Variants in CTNNA2 observed in about 807,000 individuals in gnomAD.
CTNNA2 encodes catenin alpha-2.
In CTNNA2, 42 loss-of-function variants were observed where a neutral mutation model predicts 101.0. That is an observed-to-expected ratio of 0.42 (90% CI 0.32 to 0.54). The LOEUF is 0.54. CTNNA2 is among the 20% of genes least tolerant of loss of function. The probability of loss-of-function intolerance (pLI) is 0.14; values close to 1 mark genes in which losing one functional copy is unlikely to be tolerated. For missense variants in CTNNA2, 871 were observed against 1,223.1 expected (o/e 0.71, Z 4.29); for synonymous variants, 450 against 456.4 (o/e 0.99, Z 0.18).
chr2:80,016,951 A>C (rs903516327), intron 7 of CTNNA2, among the ~76,000 whole-genome samples: 1 of 152,240 alleles, frequency 6.6e-6, no homozygotes, highest in African/African-American at 2.4e-5. Flanking sequence ...ACCTCAAACT[A>C]TCAAAGCCTC....
At chr2:79,403,646 A>C (rs1371932266) in intron 4 of CTNNA2, among the ~76,000 whole-genome samples, 4 of 152,042 alleles carry the variant, frequency 2.6e-5, no homozygotes, top group Non-Finnish European at 5.9e-5. Flanking sequence ...CATAGGAGGA[A>C]AAGTCTAACT....
intron 7 of CTNNA2, among the ~76,000 whole-genome samples, chr2:80,377,424 G>C (rs1676064604): frequency 6.6e-6 from 1 of 152,124 alleles, no homozygotes; most frequent in African/African-American, 2.4e-5. Context: ...CCATAATCTT[G>C]GGTTAGGCAT....
intron 3 of CTNNA2, among the ~76,000 whole-genome samples, chr2:79,759,518 T>G: frequency 6.6e-6 from 1 of 152,046 alleles, no homozygotes; most frequent in East Asian, 1.9e-4. Context: ...GGTTCAACTC[T>G]TCGTTAAACC....
rs200008352 is a variant in CTNNA2 at position 79,873,880 on chromosome 2, T to C, written c.586-196T>C. Among the ~76,000 whole-genome samples, 7 of 152,024 alleles carry C rather than the reference T, an allele frequency of 4.6e-5. No homozygotes were observed. The East Asian group carries it at 1.2e-3, about 25-fold the overall frequency. On this transcript the variant is annotated intron_variant, in intron 5 of 18. Coordinates refer to ENST00000402739, the MANE Select transcript of CTNNA2 (RefSeq NM_001282597.3). ...TAACACCACTGTACTCCAACCTAGG[T>C]CACTATAGAGACCTAGCTGTCTCTA...
rs757913631 is a variant in CTNNA2 at position 80,218,623 on chromosome 2, C to A, written c.1057-174588C>A. ...CCTCTATTAGGCTCAGTTCTCTTGA[C>A]TGTAAAATGAGAGTAGTCATATTGT... On this transcript the variant is annotated intron_variant, in intron 7 of 18. Transcript: ENST00000402739. 1.6e-4 allele frequency among the ~76,000 whole-genome samples: 24 copies of A among 152,300 alleles called. No individual in the cohort carries two copies. In the East Asian group the frequency reaches 3.9e-3, roughly 25 times the overall value.
At chr2:80,601,037 G>A (rs181819805) in intron 15 of CTNNA2, among the ~76,000 whole-genome samples, 102 of 152,228 alleles carry the variant, frequency 6.7e-4, no homozygotes, top group Admixed American at 1.7e-3. Flanking sequence ...GAACTTTGTA[G>A]CATTTGCTGA....
At chr2:79,973,308 T>C (rs1251179975) in intron 7 of CTNNA2, among the ~76,000 whole-genome samples, 1 of 152,144 alleles carries the variant, frequency 6.6e-6, no homozygotes, top group African/African-American at 2.4e-5. Context: ...GGCTGATGGA[T>C]GGCCTCTGGG....
intron 13 of CTNNA2, among the ~76,000 whole-genome samples, chr2:80,578,312 AT>A (rs1695239204): frequency 6.6e-6 from 1 of 152,202 alleles, no homozygotes; most frequent in African/African-American, 2.4e-5. Flanking sequence ...CAAAGAGCAC[AT>A]AGAACTTTCA....
At chr2:79,862,764 TAG>T (rs1481246727) in intron 4 of CTNNA2, among the ~76,000 whole-genome samples, 2 of 152,234 alleles carry the variant, frequency 1.3e-5, no homozygotes, top group African/African-American at 2.4e-5. Flanking sequence ...ATTAGGACAT[TAG>T]CATAGAGTGC....
At chr2:80,314,887 T>G (rs1377207034) in intron 7 of CTNNA2, among the ~76,000 whole-genome samples, 1 of 152,248 alleles carries the variant, frequency 6.6e-6, no homozygotes, top group Non-Finnish European at 1.5e-5. Flanking sequence ...CAGAAGAATT[T>G]GAGACATCTA....
At chr2:79,688,591 A>G (rs1166509470) in intron 2 of CTNNA2, among the ~76,000 whole-genome samples, 2 of 152,216 alleles carry the variant, frequency 1.3e-5, no homozygotes, top group Middle Eastern at 3.4e-3. Context: ...GTTCCAGATG[A>G]ATTATCTCAA....
intron 3 of CTNNA2, among the ~76,000 whole-genome samples, chr2:79,795,011 A>G (rs1188247253): frequency 6.6e-6 from 1 of 152,212 alleles, no homozygotes; most frequent in Admixed American, 6.5e-5. Context: ...TATTTTATGA[A>G]TCAGTCTAAC....
At chr2:79,628,204 C>T (rs1679444939) in intron 1 of CTNNA2, among the ~76,000 whole-genome samples, 1 of 152,094 alleles carries the variant, frequency 6.6e-6, no homozygotes, top group African/African-American at 2.4e-5. Context: ...GTAATCTCAG[C>T]ACTTTGGGAG....
At chr2:80,631,882 T>C (rs935801056) in intron 18 of CTNNA2, among the ~76,000 whole-genome samples, 11 of 152,066 alleles carry the variant, frequency 7.2e-5, no homozygotes, top group Non-Finnish European at 1.3e-4. Flanking sequence ...TAGTACTTTT[T>C]GTTGTTGTTG....
At chr2:79,328,581 G>A (rs1367383458) in intron 3 of CTNNA2, among the ~76,000 whole-genome samples, 2 of 152,104 alleles carry the variant, frequency 1.3e-5, no homozygotes, top group African/African-American at 4.8e-5. Context: ...TAGCTTTTAT[G>A]ATGTTGATCA....
chr2:80,062,185 G>A (rs1697642911), intron 7 of CTNNA2, among the ~76,000 whole-genome samples: 1 of 152,114 alleles, frequency 6.6e-6, no homozygotes, highest in African/African-American at 2.4e-5. Context: ...TTTAATTCCT[G>A]TCATTCTCAA....
chr2:79,944,897 A>T (rs1688393917), intron 7 of CTNNA2, among the ~76,000 whole-genome samples: 2 of 152,222 alleles, frequency 1.3e-5, no homozygotes, highest in South Asian at 4.1e-4. Context: ...CACATGTTTC[A>T]TATAAGTTCC....
At chr2:80,162,190 G>A (rs1401082862) in intron 7 of CTNNA2, among the ~76,000 whole-genome samples, 4 of 152,052 alleles carry the variant, frequency 2.6e-5, no homozygotes, top group Non-Finnish European at 5.9e-5. Flanking sequence ...CCCTCCTAAA[G>A]TGTCTAAAAT....
At chr2:79,222,696 T>C (rs1674360224) in intron 2 of CTNNA2, among the ~76,000 whole-genome samples, 1 of 152,138 alleles carries the variant, frequency 6.6e-6, no homozygotes, top group Admixed American at 6.5e-5. Context: ...TCTCTCTCTC[T>C]CTCTCTGTTC....
Sources: gnomAD v4.1 joint callset for allele counts (sites outside exome capture counted in the v4.1 genomes callset) on GRCh38, gnomAD v4.1.1 for gene constraint, MANE v1.5 for transcripts, NCBI Gene and HGNC (gene_info 2026-07-23, HGNC 2026-07-21) for gene names.